The following CNDP1 variants were observed in gnomAD, a reference collection of about 807,000 sequenced individuals.
CNDP1 encodes the protein beta-Ala-His dipeptidase.
A neutral mutation model predicts 58.1 loss-of-function variants in CNDP1; 44 were observed. The ratio of observed to expected loss-of-function variants is 0.76; its 90% CI spans 0.60 to 0.97. CNDP1 has a LOEUF of 0.97. CNDP1 is among the 50% of genes least tolerant of loss of function. The pLI, the probability that CNDP1 is intolerant of heterozygous loss-of-function variation, is 0.00. For synonymous variants in CNDP1, 254 were observed against 252.6 expected (o/e 1.01, Z -0.05); for missense variants, 616 against 655.1 (o/e 0.94, Z 0.65).
chr18:74,577,204 C>T, intron 8 of CNDP1, 175 bp downstream of exon 8: 1 of 519,216 alleles, frequency 1.9e-6, no homozygotes, highest in Non-Finnish European at 3.2e-6. Context: ...GCTGGATCAA[C>T]CAGTCCTTTT....
chr18:74,587,084 T>C lies in CNDP1; in HGVS notation c.*2522T>C, dbSNP rs1434430721. ...TAGACGTAGCGCATTAAAGCGTAAC[T>C]ATTGTGATAAGTTTAGGGGTTAGGA... On this transcript the variant is annotated 3_prime_UTR_variant, in exon 12 of 12. Coordinates refer to ENST00000358821, the MANE Select transcript of CNDP1 (RefSeq NM_032649.6). 1 of 152,208 alleles carries C rather than the reference T, an allele frequency of 6.6e-6. No homozygotes were observed. Among genetic ancestry groups the C allele is most frequent in the African/African-American group, 2.4e-5 (1 of 41,448 alleles). 9.4% of individuals were successfully genotyped at this position (152,208 alleles called of 1,614,324 possible).
In CNDP1 at chr18:74,585,639, A is replaced by T. The variant is rs1423496105; in HGVS notation, c.*1077A>T. On this transcript the variant is annotated 3_prime_UTR_variant, in exon 12 of 12. Transcript: ENST00000358821. ...TCTTTATGAATTTATTATTTAAATC[A>T]CATTAATGGAGAATCATTTAGGGGC... 2 of 152,232 alleles carry T rather than the reference A, an allele frequency of 1.3e-5. No individual in the cohort carries two copies. The highest frequency in any genetic ancestry group is 6.5e-5 in the Admixed American group (1 of 15,280). The allele number at this position is 152,232 out of a possible 1,614,324, so 9.4% of individuals were successfully genotyped here. A position where few individuals can be genotyped will look rare whatever the true frequency, so the allele number is the denominator to read the frequency against.
At chr18:74,577,866 T>C (rs9965945) in intron 8 of CNDP1, 10,107 of 282,446 alleles carry the variant, frequency 0.036, 424 homozygotes, top group African/African-American at 0.12. Context: ...ACACTGAACG[T>C]GCCCGATCTC....
chr18:74,574,399 C>T (rs2077734028), intron 7 of CNDP1, among the ~76,000 whole-genome samples: 1 of 152,226 alleles, frequency 6.6e-6, no homozygotes, highest in Non-Finnish European at 1.5e-5. Context: ...TTTCCCTTTG[C>T]AGACACTTTC....
intron 10 of CNDP1, among the ~76,000 whole-genome samples, chr18:74,580,804 A>G (rs1447822546): frequency 2.0e-5 from 3 of 152,120 alleles, no homozygotes; most frequent in Non-Finnish European, 4.4e-5. Context: ...CCCCATCTCT[A>G]TAAAAAATAT....
chr18:74,567,310 A>G lies in CNDP1; in HGVS notation c.633A>G (p.Glu211=). The G allele has an allele frequency of 6.2e-7, 1 of 1,614,210 alleles. No homozygotes were observed. Among genetic ancestry groups the G allele is most frequent in the Non-Finnish European group, 8.5e-7 (1 of 1,180,018 alleles). The change falls in exon 6 of 12, where the codon GAA becomes GAG. Residue 211 remains glutamate (E), a synonymous_variant. Transcript: ENST00000358821. ...AGSVALEELV[E]KEKDRFFSGV... is the part of the protein sequence containing the mutation. ...CTGTTGCCCTGGAGGAACTTGTGGAAAAAGAAAAGGACCGATTCTTCTCTG... is the reference window on the plus strand; with the variant it reads ...CTGTTGCCCTGGAGGAACTTGTGGAGAAAGAAAAGGACCGATTCTTCTCTG...
Position 74,578,168 on chromosome 18 carries a change from G to A in CNDP1, c.1008G>A (p.Glu336=), listed in dbSNP as rs922813317. The change falls in exon 9 of 12, where the codon GAG becomes GAA. Residue 336 remains glutamate, a synonymous_variant. Coordinates refer to ENST00000358821, the MANE Select transcript of CNDP1 (RefSeq NM_032649.6). ...ATAATTTTATTTTAATATAGGAGGA[G>A]ATTCTAATGCACCTCTGGAGGTACC... The part of the protein sequence containing the change: ...VEKFLFDTKE[E]ILMHLWRYPS... The A allele has an allele frequency of 1.2e-6, 2 of 1,605,830 alleles. No homozygotes were observed. The highest frequency in any genetic ancestry group is 2.7e-5 in the African/African-American group (2 of 74,176).
chr18:74,578,165 G>A lies in CNDP1; in HGVS notation c.1005G>A (p.Glu335=). Reference sequence around the variant, plus strand: ...TGGATAATTTTATTTTAATATAGGAGGAGATTCTAATGCACCTCTGGAGGT... The same window carrying A: ...TGGATAATTTTATTTTAATATAGGAAGAGATTCTAATGCACCTCTGGAGGT... ...RVEKFLFDTK[E]EILMHLWRYP... Residue 335 remains glutamate, a splice_region_variant and synonymous_variant, in exon 9 of 12, where the codon GAG becomes GAA. Transcript: ENST00000358821. 3 of 1,604,214 alleles carry A rather than the reference G, an allele frequency of 1.9e-6. No homozygotes were observed. Among genetic ancestry groups the A allele is most frequent in the Non-Finnish European group, 2.5e-6 (3 of 1,177,074 alleles).
intron 1 of CNDP1, among the ~76,000 whole-genome samples, chr18:74,548,917 A>G (rs1315877462): frequency 6.6e-6 from 1 of 152,248 alleles, no homozygotes; most frequent in African/African-American, 2.4e-5. Flanking sequence ...GTGATGACTT[A>G]GGGTATCTGG....
intron 1 of CNDP1, among the ~76,000 whole-genome samples, chr18:74,553,402 T>C (rs1980958167): frequency 6.6e-6 from 1 of 152,198 alleles, no homozygotes; most frequent in Admixed American, 6.5e-5. Context: ...AGTACTTTCA[T>C]TTAGGTCTTT....
At chr18:74,581,635 T>C (rs958825546) in intron 10 of CNDP1, among the ~76,000 whole-genome samples, 1 of 152,172 alleles carries the variant, frequency 6.6e-6, no homozygotes, top group African/African-American at 2.4e-5. Context: ...GTGGTGCCTG[T>C]TTTAATTCCA....
rs1981036093 is a variant in CNDP1 at position 74,556,325 on chromosome 18, C to T, written c.25-13C>T. On this transcript the variant is annotated splice_polypyrimidine_tract_variant and intron_variant, in intron 1 of 11. Transcript: ENST00000358821. ...TGATTTTCATTCGTTCCTCCCATGT[C>T]AAACCCTTCCAGGCTGCGTCCCTGC... 1 of 1,611,392 alleles carries T rather than the reference C, an allele frequency of 6.2e-7. No homozygotes were observed. The highest frequency in any genetic ancestry group is 1.3e-5 in the African/African-American group (1 of 74,786).
At chr18:74,552,722 G>A (rs1027682721) in intron 1 of CNDP1, among the ~76,000 whole-genome samples, 2 of 152,170 alleles carry the variant, frequency 1.3e-5, no homozygotes, top group Non-Finnish European at 1.5e-5. Context: ...TGGCTACTAT[G>A]AATAATGCCG....
intron 11 of CNDP1, 49 bp downstream of exon 11, chr18:74,583,757 C>G (rs1981846876): frequency 6.3e-7 from 1 of 1,587,228 alleles, no homozygotes; most frequent in Non-Finnish European, 8.6e-7. Flanking sequence ...CTTTACTGCA[C>G]ACACCCGGGT....
rs756564529 is a variant in CNDP1, at chr18:74,559,406, C to T, written c.237C>T (p.Ala79=). The change falls in exon 3 of 12, where the codon GCC becomes GCT. Residue 79 remains alanine (A), a synonymous_variant. Transcript: ENST00000358821. ...RFRQELFRMM[A]VAADTLQRLG... ...GACAAGAGCTCTTCAGAATGATGGC[C>T]GTGGCTGCGGACACGCTGCAGCGCC... is the stretch of plus-strand genomic sequence containing the variant. The T allele has an allele frequency of 8.7e-6, 14 of 1,613,404 alleles. No homozygotes were observed. The highest frequency in any genetic ancestry group is 5.5e-5 in the South Asian group (5 of 91,058).
Position 74,579,989 on chromosome 18 carries a change from G to C in CNDP1, c.1168-141G>C, listed in dbSNP as rs4891563. 32 of 707,404 alleles carry C rather than the reference G, an allele frequency of 4.5e-5. No homozygotes were observed. The South Asian group carries it at 6.0e-4, about 13-fold the overall frequency. 43.8% of individuals were successfully genotyped at this position (707,404 alleles called of 1,614,324 possible). On this transcript the variant is annotated intron_variant, in intron 9 of 11. Transcript: ENST00000358821. ...GTGAAGGGAAAATCACAACACTTGC[G>C]TGTGTCAGGCTGGGGCTTCAGTTTC...
At chr18:74,552,024 C>G (rs929424513) in intron 1 of CNDP1, among the ~76,000 whole-genome samples, 3 of 152,208 alleles carry the variant, frequency 2.0e-5, no homozygotes, top group Non-Finnish European at 4.4e-5. Flanking sequence ...AGGAGTCTCT[C>G]CCACTGGCTT....
intron 5 of CNDP1, among the ~76,000 whole-genome samples, chr18:74,565,738 C>G (rs1203009738): frequency 6.6e-6 from 1 of 152,156 alleles, no homozygotes; most frequent in Non-Finnish European, 1.5e-5. Flanking sequence ...CATTGAGTGT[C>G]TGCGGTTTTT....
At chr18:74,551,672 G>A (rs1161473599) in intron 1 of CNDP1, among the ~76,000 whole-genome samples, 1 of 152,096 alleles carries the variant, frequency 6.6e-6, no homozygotes, top group African/African-American at 2.4e-5. Context: ...TCGAGACCAG[G>A]GCTAAGCTGC....
Sources: allele counts gnomAD v4.1 joint callset (sites outside exome capture counted in the v4.1 genomes callset), GRCh38; gene constraint gnomAD v4.1.1; transcripts MANE v1.5; gene names NCBI Gene and HGNC (gene_info 2026-07-23, HGNC 2026-07-21).